Variants in DOK5 observed in about 807,000 individuals in gnomAD.
The protein encoded by DOK5 is docking protein 5.
A neutral mutation model predicts 43.3 loss-of-function variants in DOK5; 27 were observed. The ratio of observed to expected loss-of-function variants is 0.62; its 90% CI spans 0.46 to 0.86. The LOEUF (loss-of-function observed/expected upper bound fraction) is 0.86, where lower values mean the gene tolerates loss of function less well. Ranked by LOEUF, DOK5 falls within the 40% of genes least tolerant of loss-of-function variation. The pLI, the probability that DOK5 is intolerant of heterozygous loss-of-function variation, is 0.00. For missense variants in DOK5, 373 were observed against 392.9 expected, an observed-to-expected ratio of 0.95 and a Z score of 0.43; for synonymous variants, 146 against 140.1, an observed-to-expected ratio of 1.04 and a Z score of -0.30.
chr20:54,588,727 G>A lies in DOK5; in HGVS notation c.330G>A (p.Glu110=), dbSNP rs1362093889. ...AGTGGTGCAAAGTACTCCAGATGGAGTGTGTAGGAACACGGATCAATGACA... is the reference window on the plus strand; with the variant it reads ...AGTGGTGCAAAGTACTCCAGATGGAATGTGTAGGAACACGGATCAATGACA... ...ADEWCKVLQM[E]CVGTRINDIS... is the part of the protein sequence containing the mutation. The change falls in exon 4 of 8, where the codon GAG becomes GAA. Residue 110 remains glutamate, a synonymous_variant. Coordinates refer to ENST00000262593, the MANE Select transcript of DOK5 (RefSeq NM_018431.5). 6.2e-7 allele frequency: 1 copy of A among 1,614,120 alleles called. No homozygotes were observed. The highest frequency in any genetic ancestry group is 1.3e-5 in the African/African-American group (1 of 75,034).
At chr20:54,614,180 A>G (rs1986733945) in intron 6 of DOK5, among the ~76,000 whole-genome samples, 1 of 152,090 alleles carries the variant, frequency 6.6e-6, no homozygotes, top group Non-Finnish European at 1.5e-5. Flanking sequence ...TTGCTGAATC[A>G]AAGTCTGAGA....
rs115176384 is a variant in DOK5, at chr20:54,636,374, T to C, written c.736-7084T>C. ...ATGTAGTTTAAAAATGACCGGACATTATACTGGAGGCCACAAGATTTGCAA... is the reference window on the plus strand; with the variant it reads ...ATGTAGTTTAAAAATGACCGGACATCATACTGGAGGCCACAAGATTTGCAA... On this transcript the variant is annotated intron_variant, in intron 6 of 7. Coordinates refer to ENST00000262593, the MANE Select transcript of DOK5 (RefSeq NM_018431.5). Among the ~76,000 whole-genome samples, 569 of 152,348 alleles carry C rather than the reference T, an allele frequency of 3.7e-3. 1 individual carries two copies. The highest frequency in any genetic ancestry group is 0.013 in the African/African-American group (536 of 41,586).
At chr20:54,527,836 T>C (rs1384931964) in intron 1 of DOK5, among the ~76,000 whole-genome samples, 1 of 152,174 alleles carries the variant, frequency 6.6e-6, no homozygotes, top group Non-Finnish European at 1.5e-5. Context: ...TGCCTTTGAT[T>C]TGCTTTCTAC....
At chr20:54,593,780 T>A (rs985885003) in intron 5 of DOK5, among the ~76,000 whole-genome samples, 3 of 152,104 alleles carry the variant, frequency 2.0e-5, no homozygotes, top group Non-Finnish European at 4.4e-5. Flanking sequence ...ATAAAGAAAA[T>A]GTAGTACATA....
intron 7 of DOK5, among the ~76,000 whole-genome samples, chr20:54,645,308 C>T: frequency 7.7e-6 from 1 of 130,016 alleles, no homozygotes; most frequent in Non-Finnish European, 1.6e-5. Flanking sequence ...CATGCCCGCT[C>T]TGAACCCTCA....
At chr20:54,576,527 G>A (rs1213983845) in intron 2 of DOK5, among the ~76,000 whole-genome samples, 1 of 152,222 alleles carries the variant, frequency 6.6e-6, no homozygotes, top group Non-Finnish European at 1.5e-5. Context: ...CCAGGAAGGG[G>A]TGGAATTGAC....
At chr20:54,643,386 T>A in intron 6 of DOK5, 72 bp from the exon 7 acceptor site, 1 of 1,582,566 alleles carries the variant, frequency 6.3e-7, no homozygotes, top group South Asian at 1.1e-5. Flanking sequence ...CTCCATGCTC[T>A]CCTGTTTCCT....
intron 6 of DOK5, among the ~76,000 whole-genome samples, chr20:54,623,272 C>A (rs900463120): frequency 6.6e-6 from 1 of 152,090 alleles, no homozygotes; most frequent in African/African-American, 2.4e-5. Flanking sequence ...CTGCCCTCGA[C>A]AAAGAATGAG....
rs141771552 is a variant in DOK5 at position 54,583,446 on chromosome 20, T to C, written c.175-5037T>C. Among the ~76,000 whole-genome samples, 333 of 152,316 alleles carry C rather than the reference T, an allele frequency of 2.2e-3. 1 individual carries two copies. The highest frequency in any genetic ancestry group is 7.3e-3 in the African/African-American group (302 of 41,570). ...TCTGTTTTCTTTCTTATATAATCTT[T>C]GGATGTCCTATCCATTATTGAAAGT... is the stretch of plus-strand genomic sequence containing the variant. On this transcript the variant is annotated intron_variant, in intron 2 of 7. Coordinates refer to ENST00000262593, the MANE Select transcript of DOK5 (RefSeq NM_018431.5).
At chr20:54,562,190 G>C (rs890172471) in intron 2 of DOK5, among the ~76,000 whole-genome samples, 4 of 152,148 alleles carry the variant, frequency 2.6e-5, no homozygotes, top group Non-Finnish European at 5.9e-5. Context: ...CTCATGCAAA[G>C]TAGGTACTTT....
chr20:54,554,974 C>A lies in DOK5; in HGVS notation c.108C>A (p.Ser36Arg), dbSNP rs1984660518. The change falls in exon 2 of 8, where the codon AGC becomes AGA. Residue 36 changes from serine (S) to arginine (R), a missense_variant. Physicochemically the swap from Ser to Arg is moderately radical, Grantham distance 110. Transcript: ENST00000262593. ...RCWLVFKKAS[S>R]KGPKRLEKFS... ...GGTTAGTATTCAAGAAAGCTTCAAGCAAAGGTCCAAAAAGACTGGAGAAAT... is the reference window on the plus strand; with the variant it reads ...GGTTAGTATTCAAGAAAGCTTCAAGAAAAGGTCCAAAAAGACTGGAGAAAT... 6.2e-7 allele frequency: 1 copy of A among 1,613,754 alleles called. No homozygotes were observed. Among genetic ancestry groups the A allele is most frequent in the Admixed American group, 1.7e-5 (1 of 59,990 alleles).
chr20:54,556,652 C>T (rs754874910), intron 2 of DOK5, among the ~76,000 whole-genome samples: 1 of 152,066 alleles, frequency 6.6e-6, no homozygotes, highest in Non-Finnish European at 1.5e-5. Flanking sequence ...ATCAAAATAC[C>T]CAGGAAGATG....
chr20:54,644,404 T>C (rs1278653548), intron 7 of DOK5, among the ~76,000 whole-genome samples: 1 of 151,466 alleles, frequency 6.6e-6, no homozygotes, highest in Non-Finnish European at 1.5e-5. Flanking sequence ...AAACCCTGTC[T>C]TTACTAAAAA....
At chr20:54,503,766 C>G (rs922910579) in intron 1 of DOK5, among the ~76,000 whole-genome samples, 4 of 152,120 alleles carry the variant, frequency 2.6e-5, no homozygotes, top group Non-Finnish European at 5.9e-5. Flanking sequence ...TTGTAGGAAC[C>G]TGGTTTGCAG....
At chr20:54,582,422 A>G (rs1438536288) in intron 2 of DOK5, among the ~76,000 whole-genome samples, 1 of 151,730 alleles carries the variant, frequency 6.6e-6, no homozygotes, top group African/African-American at 2.4e-5. Context: ...GAAGAGGTTG[A>G]GAAGAATTTG....
chr20:54,646,248 G>GTTTTT (rs386394048), intron 7 of DOK5, among the ~76,000 whole-genome samples: 854 of 79,908 alleles, frequency 0.011, 119 homozygotes, highest in Middle Eastern at 0.037. Context: ...TGGTTATACT[G>GTTTTT]TTTTTTTTTT....
At chr20:54,496,581 C>A (rs1377415250) in intron 1 of DOK5, among the ~76,000 whole-genome samples, 2 of 151,970 alleles carry the variant, frequency 1.3e-5, no homozygotes, top group Non-Finnish European at 2.9e-5. Flanking sequence ...TCCTGGCCAA[C>A]ACGGTGAAAC....
chr20:54,636,050 AGAGGGCCG>A (rs150054977), intron 6 of DOK5, among the ~76,000 whole-genome samples: 1,787 of 152,320 alleles, frequency 0.012, 38 homozygotes, highest in African/African-American at 0.041. Flanking sequence ...GAAAGAGCAG[AGAGGGCCG>A]GAAGAGAGAC....
chr20:54,512,782 G>A (rs1983055325), intron 1 of DOK5, among the ~76,000 whole-genome samples: 1 of 152,186 alleles, frequency 6.6e-6, no homozygotes. Context: ...TGTGGTTCTG[G>A]GGAAGCCCAT....
Sources: gnomAD v4.1 joint callset for allele counts (sites outside exome capture counted in the v4.1 genomes callset) on GRCh38, gnomAD v4.1.1 for gene constraint, MANE v1.5 for transcripts, NCBI Gene and HGNC (gene_info 2026-07-23, HGNC 2026-07-21) for gene names.